RORA: variants seen among roughly 807,000 people sequenced by gnomAD.
RORA encodes the protein RAR related orphan receptor A, also known as nuclear receptor ROR-alpha.
In RORA, 7 loss-of-function variants were observed where a neutral mutation model predicts 69.5. That is an observed-to-expected ratio of 0.10 (90% CI 0.06 to 0.19). The LOEUF is 0.19. Among genes scored for constraint, RORA ranks in the 10% least tolerant of loss-of-function variants. The probability of loss-of-function intolerance (pLI) is 1.00; values close to 1 mark genes in which losing one functional copy is unlikely to be tolerated. For synonymous variants in RORA, 261 were observed against 240.8 expected (o/e 1.08, Z -0.78); for missense variants, 457 against 663.0 (o/e 0.69, Z 3.41).
At chr15:60,542,788 C>T (rs940734232) in intron 2 of RORA, among the ~76,000 whole-genome samples, 2 of 152,024 alleles carry the variant, frequency 1.3e-5, no homozygotes, top group Non-Finnish European at 2.9e-5. Context: ...GCTGCAAGTC[C>T]TGCCTCCACT....
At chr15:60,604,024 G>T (rs865914053) in intron 2 of RORA, among the ~76,000 whole-genome samples, 1 of 151,232 alleles carries the variant, frequency 6.6e-6, no homozygotes, top group African/African-American at 2.4e-5. Flanking sequence ...TGTAATCTAC[G>T]CAGGAGGCTG....
chr15:60,588,030 A>G (rs2068385266), intron 2 of RORA, among the ~76,000 whole-genome samples: 1 of 152,176 alleles, frequency 6.6e-6, no homozygotes, highest in Non-Finnish European at 1.5e-5. Context: ...AAAGGTTGGG[A>G]TGGAAGGGAG....
intron 1 of RORA, among the ~76,000 whole-genome samples, chr15:61,071,922 A>T (rs2078371477): frequency 6.6e-6 from 1 of 152,080 alleles, no homozygotes; most frequent in Non-Finnish European, 1.5e-5. Flanking sequence ...ATAGTGAATG[A>T]GTAGAGATGG....
intron 1 of RORA, among the ~76,000 whole-genome samples, chr15:60,749,876 A>C (rs1274945236): frequency 6.6e-6 from 1 of 152,096 alleles, no homozygotes; most frequent in African/African-American, 2.4e-5. Context: ...ACAAATTACA[A>C]AAAATTAGTC....
At chr15:61,164,911 A>G (rs975001009) in intron 1 of RORA, among the ~76,000 whole-genome samples, 3 of 152,192 alleles carry the variant, frequency 2.0e-5, no homozygotes, top group African/African-American at 4.8e-5. Context: ...ATACTAAAGA[A>G]TATCATGCTG....
chr15:60,739,793 C>A (rs1448571909), intron 1 of RORA, among the ~76,000 whole-genome samples: 1 of 152,096 alleles, frequency 6.6e-6, no homozygotes, highest in Non-Finnish European at 1.5e-5. Context: ...AGCTGAGCCC[C>A]ACTAGGTATT....
At chr15:60,702,874 T>C (rs555561142) in intron 1 of RORA, among the ~76,000 whole-genome samples, 3 of 152,340 alleles carry the variant, frequency 2.0e-5, no homozygotes, top group Non-Finnish European at 4.4e-5. Flanking sequence ...AATGGGCCTT[T>C]TCCCTCTTGC....
intron 1 of RORA, among the ~76,000 whole-genome samples, chr15:61,152,758 G>A (rs545054002): frequency 3.7e-4 from 57 of 152,140 alleles, no homozygotes; most frequent in African/African-American, 1.3e-3. Flanking sequence ...TATTTATTAG[G>A]TAACTACATC....
At chr15:61,183,211 T>C (rs980720253) in intron 1 of RORA, 2 of 152,234 alleles carry the variant, frequency 1.3e-5, no homozygotes, top group African/African-American at 4.8e-5. Flanking sequence ...TCTTTACAAC[T>C]GTTCTGCAAG....
chr15:60,808,074 C>T (rs942488195), intron 1 of RORA, among the ~76,000 whole-genome samples: 18 of 152,010 alleles, frequency 1.2e-4, no homozygotes, highest in Admixed American at 6.6e-5. Context: ...GATAAATAGA[C>T]GGGACTTAAT....
rs574643414 is a variant in RORA at position 61,003,473 on chromosome 15, C to A, written c.166+225580G>T. ...TTCATTAATTAGGATGCTGTTTATGCTTGTACTGAATATATATGAATGCAG... is the reference window on the plus strand; with the variant it reads ...TTCATTAATTAGGATGCTGTTTATGATTGTACTGAATATATATGAATGCAG... On this transcript the variant is annotated intron_variant, in intron 1 of 10. Transcript: ENST00000335670. 1.6e-3 allele frequency among the ~76,000 whole-genome samples: 245 copies of A among 152,272 alleles called. 1 individual carries two copies. The highest frequency in any genetic ancestry group is 2.9e-3 in the Admixed American group (45 of 15,292).
intron 1 of RORA, among the ~76,000 whole-genome samples, chr15:60,846,692 A>G (rs1433765968): frequency 6.6e-6 from 1 of 152,256 alleles, no homozygotes; most frequent in African/African-American, 2.4e-5. Context: ...GACAGGGTCA[A>G]GATGCCAGCC....
At chr15:61,096,360 C>T (rs559147380) in intron 1 of RORA, among the ~76,000 whole-genome samples, 26 of 152,246 alleles carry the variant, frequency 1.7e-4, no homozygotes, top group Middle Eastern at 3.4e-3. Flanking sequence ...TTTGTTCCTT[C>T]CCAGAGACTG....
chr15:61,166,398 A>T (rs2079540111), intron 1 of RORA, among the ~76,000 whole-genome samples: 1 of 152,116 alleles, frequency 6.6e-6, no homozygotes, highest in Non-Finnish European at 1.5e-5. Flanking sequence ...GGGCCCAGGG[A>T]CAGCAATAGG....
At chr15:60,519,427 A>C (rs1216582570) in intron 3 of RORA, among the ~76,000 whole-genome samples, 1 of 152,216 alleles carries the variant, frequency 6.6e-6, no homozygotes, top group Admixed American at 6.5e-5. Flanking sequence ...AGCATGGGGT[A>C]AAGCCAGGAT....
intron 3 of RORA, among the ~76,000 whole-genome samples, chr15:60,515,081 CA>C (rs1262819622): frequency 2.6e-5 from 4 of 152,126 alleles, no homozygotes; most frequent in Non-Finnish European, 1.5e-5. Context: ...TGGAATGATA[CA>C]AAAGGACTTA....
At chr15:60,973,159 A>G (rs1893772118) in intron 1 of RORA, among the ~76,000 whole-genome samples, 1 of 152,124 alleles carries the variant, frequency 6.6e-6, no homozygotes, top group Non-Finnish European at 1.5e-5. Context: ...CGTTGAAAAA[A>G]GAGGTAGGGA....
At chr15:60,653,924 A>C (rs1036512594) in intron 2 of RORA, among the ~76,000 whole-genome samples, 2 of 152,176 alleles carry the variant, frequency 1.3e-5, no homozygotes, top group Non-Finnish European at 2.9e-5. Flanking sequence ...TTGAGTGTCC[A>C]AAACTACAAA....
At chr15:61,055,373 G>A (rs79247499) in intron 1 of RORA, among the ~76,000 whole-genome samples, 5,073 of 152,212 alleles carry the variant, frequency 0.033, 116 homozygotes, top group Middle Eastern at 0.051. Context: ...CTAAGGGACC[G>A]AGGCCACAGT....
Sources: allele counts gnomAD v4.1 joint callset (sites outside exome capture counted in the v4.1 genomes callset), GRCh38; gene constraint gnomAD v4.1.1; transcripts MANE v1.5; gene names NCBI Gene and HGNC (gene_info 2026-07-23, HGNC 2026-07-21).